Variants in PLCH1 observed in about 807,000 individuals in gnomAD.
PLCH1 encodes 1-phosphatidylinositol 4,5-bisphosphate phosphodiesterase eta-1.
In PLCH1, 60 loss-of-function variants were observed where a neutral mutation model predicts 126.7. That is an observed-to-expected ratio of 0.47 (90% CI 0.38 to 0.59). The LOEUF (loss-of-function observed/expected upper bound fraction) is 0.59, where lower values mean the gene tolerates loss of function less well. Among genes scored for constraint, PLCH1 ranks in the 20% least tolerant of loss-of-function variants. PLCH1 has a pLI of 0.00. For synonymous variants in PLCH1, 719 were observed against 734.9 expected, an observed-to-expected ratio of 0.98 and a Z score of 0.35; for missense variants, 1,723 against 2,040.0, an observed-to-expected ratio of 0.84 and a Z score of 2.99.
At chr3:155,517,127 T>C (rs1292541149) in intron 11 of PLCH1, among the ~76,000 whole-genome samples, 1 of 152,086 alleles carries the variant, frequency 6.6e-6, no homozygotes, top group Non-Finnish European at 1.5e-5. Context: ...GGCAACATAA[T>C]GAGACCCTGT....
In PLCH1 at chr3:155,553,966, G is replaced by C. The variant is rs535715845; in HGVS notation, c.1190+110C>G. 2.0e-4 allele frequency: 179 copies of C among 914,414 alleles called. 1 individual carries two copies. Among genetic ancestry groups the C allele is most frequent in the Non-Finnish European group, 2.9e-4 (178 of 616,680 alleles). The allele number at this position is 914,414 out of a possible 1,614,324, so 56.6% of individuals were successfully genotyped here. ...GGAGGGAGAAAACTAGTCTAGCAAA[G>C]AGGGCAGTGTAGAGTCCAAGGAAGA... On this transcript the variant is annotated intron_variant, in intron 9 of 22. Transcript: ENST00000460012.
intron 1 of PLCH1, among the ~76,000 whole-genome samples, chr3:155,726,923 C>T (rs148731153): frequency 0.013 from 1,914 of 147,688 alleles, 18 homozygotes; most frequent in Middle Eastern, 0.045. Flanking sequence ...GGTTTCACCA[C>T]GTTGGCCAGG....
chr3:155,556,787 T>G lies in PLCH1; in HGVS notation c.1070-2591A>C, dbSNP rs542526726. On this transcript the variant is annotated intron_variant, in intron 8 of 22. Transcript: ENST00000460012. Reference sequence around the variant, plus strand: ...AGAAACTGCCTGAATTCCAGCCTGCTGGCCAGCTCTACAGATTTCAGATTT... The same window carrying G: ...AGAAACTGCCTGAATTCCAGCCTGCGGGCCAGCTCTACAGATTTCAGATTT... Among the ~76,000 whole-genome samples the G allele has an allele frequency of 7.9e-5, 12 of 152,364 alleles. No homozygotes were observed. In the East Asian group the frequency reaches 1.9e-3, roughly 24 times the overall value.
At chr3:155,533,709 C>CAGACCCAG (rs1157173739) in intron 10 of PLCH1, among the ~76,000 whole-genome samples, 4 of 152,232 alleles carry the variant, frequency 2.6e-5, no homozygotes, top group African/African-American at 9.6e-5. Flanking sequence ...CCTCCCATCA[C>CAGACCCAG]AGACCCAGAG....
rs562691290 is a variant in PLCH1 at position 155,593,477 on chromosome 3, A to C, written c.470+464T>G. Reference sequence around the variant, plus strand: ...ACTGTAAGTTAGAAAGAGAAAAAGCAGGAAGGAGCTCAGTGCCCAGTATCT... The same window carrying C: ...ACTGTAAGTTAGAAAGAGAAAAAGCCGGAAGGAGCTCAGTGCCCAGTATCT... On this transcript the variant is annotated intron_variant, in intron 4 of 22. Coordinates refer to ENST00000460012, the MANE Select transcript of PLCH1 (RefSeq NM_014996.4). Among the ~76,000 whole-genome samples the C allele has an allele frequency of 3.9e-5, 6 of 152,364 alleles. No individual in the cohort carries two copies. In the East Asian group the frequency reaches 7.7e-4, roughly 20 times the overall value.
At chr3:155,607,585 TG>T (rs1734525228) in intron 2 of PLCH1, among the ~76,000 whole-genome samples, 1 of 151,696 alleles carries the variant, frequency 6.6e-6, no homozygotes, top group African/African-American at 2.4e-5. Context: ...GGAGTAGAGG[TG>T]CATGCCACCA....
chr3:155,577,726 T>C (rs1456521100), intron 6 of PLCH1, among the ~76,000 whole-genome samples: 1 of 152,152 alleles, frequency 6.6e-6, no homozygotes, highest in Non-Finnish European at 1.5e-5. Context: ...CTAACTAAAA[T>C]TTACTGGCAG....
chr3:155,462,226 C>T (rs1207365771), intron 21 of PLCH1, among the ~76,000 whole-genome samples: 3 of 152,128 alleles, frequency 2.0e-5, no homozygotes, highest in African/African-American at 7.2e-5. Flanking sequence ...GAGAGGAGTA[C>T]ATCTGGAGTG....
chr3:155,463,401 C>T (rs1368877555), intron 21 of PLCH1, among the ~76,000 whole-genome samples: 1 of 152,180 alleles, frequency 6.6e-6, no homozygotes. Context: ...TATCATAACA[C>T]TAACACCCAG....
chr3:155,517,695 C>T (rs1720539104), intron 11 of PLCH1, among the ~76,000 whole-genome samples: 1 of 152,128 alleles, frequency 6.6e-6, no homozygotes, highest in Admixed American at 6.5e-5. Context: ...TAATTACATC[C>T]GCAAAGACCC....
intron 11 of PLCH1, among the ~76,000 whole-genome samples, chr3:155,523,435 T>A (rs1166124083): frequency 6.6e-6 from 1 of 152,176 alleles, no homozygotes; most frequent in East Asian, 1.9e-4. Flanking sequence ...ATCCCTCTGG[T>A]CCAAGGTACA....
chr3:155,619,715 C>T (rs1357626197), intron 2 of PLCH1, among the ~76,000 whole-genome samples: 1 of 152,046 alleles, frequency 6.6e-6, no homozygotes, highest in African/African-American at 2.4e-5. Flanking sequence ...CTAAAGAATC[C>T]AAGGGACTAA....
chr3:155,460,560 T>C (rs1350130441), intron 21 of PLCH1, among the ~76,000 whole-genome samples: 2 of 152,158 alleles, frequency 1.3e-5, no homozygotes, highest in African/African-American at 2.4e-5. Context: ...AGGGACTTTA[T>C]GATAGAAAGG....
intron 2 of PLCH1, among the ~76,000 whole-genome samples, chr3:155,648,109 CTG>C (rs1338643560): frequency 3.9e-5 from 6 of 152,174 alleles, no homozygotes; most frequent in Admixed American, 2.6e-4. Flanking sequence ...CATAATGTAA[CTG>C]TAATATAGTC....
intron 2 of PLCH1, among the ~76,000 whole-genome samples, chr3:155,611,197 C>T (rs1377761497): frequency 6.6e-6 from 1 of 152,060 alleles, no homozygotes; most frequent in Non-Finnish European, 1.5e-5. Flanking sequence ...CAAGACTAGC[C>T]TGGATAACAT....
intron 1 of PLCH1, among the ~76,000 whole-genome samples, chr3:155,720,031 T>A (rs1023271932): frequency 6.6e-6 from 1 of 152,130 alleles, no homozygotes; most frequent in African/African-American, 2.4e-5. Flanking sequence ...CCTGACCTCA[T>A]GATCCACCCG....
chr3:155,644,902 C>T (rs2315590), intron 2 of PLCH1, among the ~76,000 whole-genome samples: 90,430 of 151,946 alleles, frequency 0.6, 29,925 homozygotes, highest in African/African-American at 0.89. Flanking sequence ...TGTAAATGTT[C>T]CTGTCTGAAT....
chr3:155,610,135 G>A (rs1038845510), intron 2 of PLCH1, among the ~76,000 whole-genome samples: 1 of 151,844 alleles, frequency 6.6e-6, no homozygotes, highest in Non-Finnish European at 1.5e-5. Flanking sequence ...CAAGGCGGGC[G>A]GATCACCTGA....
At chr3:155,489,167 C>G (rs1041566866) in intron 19 of PLCH1, among the ~76,000 whole-genome samples, 1 of 152,226 alleles carries the variant, frequency 6.6e-6, no homozygotes, top group East Asian at 1.9e-4. Context: ...GAATGATATC[C>G]TCTCCCAACA....
Sources: allele counts gnomAD v4.1 joint callset (sites outside exome capture counted in the v4.1 genomes callset), GRCh38; gene constraint gnomAD v4.1.1; transcripts MANE v1.5; gene names NCBI Gene and HGNC (gene_info 2026-07-23, HGNC 2026-07-21).